The following DGKI variants were observed in gnomAD, a reference collection of about 807,000 sequenced individuals.
The protein encoded by DGKI is DAG kinase iota.
In DGKI, 55 loss-of-function variants were observed where a neutral mutation model predicts 147.5. The ratio of observed to expected loss-of-function variants is 0.37; its 90% CI spans 0.30 to 0.47. The LOEUF is 0.47. Among genes scored for constraint, DGKI ranks in the 20% least tolerant of loss-of-function variants. DGKI has a pLI of 1.00. For synonymous variants in DGKI, 469 were observed against 477.1 expected (o/e 0.98, Z 0.22); for missense variants, 1,007 against 1,323.8 (o/e 0.76, Z 3.71).
intron 19 of DGKI, among the ~76,000 whole-genome samples, chr7:137,567,101 C>T (rs189541837): frequency 6.6e-5 from 10 of 151,634 alleles, no homozygotes; most frequent in Admixed American, 6.6e-4. Context: ...CCCATCTCTA[C>T]TAAAAATACA....
In DGKI at chr7:137,770,554, G is replaced by A. The variant is rs1479250996; in HGVS notation, c.401+75908C>T. Among the ~76,000 whole-genome samples, 7 of 94,904 alleles carry A rather than the reference G, an allele frequency of 7.4e-5. 1 individual carries two copies. The highest frequency in any genetic ancestry group is 4.1e-4 in the African/African-American group (5 of 12,096). The allele number at this position is 94,904 out of a possible 152,430, so 62.3% of individuals were successfully genotyped here. On this transcript the variant is annotated intron_variant, in intron 1 of 32. Transcript: ENST00000614521. Reference sequence around the variant, plus strand: ...AGTGGGTTTTTTTTTTTTTTTTTGAGACGGAGTCTCGCTCTGTCGCCCAGG... The same window carrying A: ...AGTGGGTTTTTTTTTTTTTTTTTGAAACGGAGTCTCGCTCTGTCGCCCAGG...
In DGKI at chr7:137,412,193, C is replaced by G; in HGVS notation, c.2776G>C (p.Val926Leu). 1.2e-6 allele frequency: 2 copies of G among 1,613,914 alleles called. No homozygotes were observed. Among genetic ancestry groups the G allele is most frequent in the Non-Finnish European group, 8.5e-7 (1 of 1,179,838 alleles). The part of the protein sequence containing the change: ...SSEDHAILQA[V>L]IAGDLMKLIE... Reference sequence around the variant, plus strand: ...ACCTTCATAAGATCACCAGCTATTACTGCCTGCAAAATTGCTGTGAAAGAC... The same window carrying G: ...ACCTTCATAAGATCACCAGCTATTAGTGCCTGCAAAATTGCTGTGAAAGAC... The change falls in exon 29 of 33, where the codon GTA becomes CTA. Residue 926 changes from valine to leucine, a missense_variant. By Grantham distance (32) the Val-to-Leu change is conservative. This residue lies in a region of DGKI where 385 missense variants were observed against 445.2 expected (regional missense o/e 0.86). Transcript: ENST00000614521.
intron 21 of DGKI, among the ~76,000 whole-genome samples, chr7:137,497,054 T>C (rs1370576691): frequency 2.0e-5 from 3 of 151,042 alleles, no homozygotes; most frequent in Non-Finnish European, 4.4e-5. Context: ...TTGCAAATAA[T>C]GCATCTGACA....
intron 28 of DGKI, among the ~76,000 whole-genome samples, chr7:137,422,905 T>C (rs17169160): frequency 0.014 from 2,073 of 152,198 alleles, 61 homozygotes; most frequent in East Asian, 0.095. Context: ...CGCCCACCCT[T>C]GTAAAGCATT....
At chr7:137,407,764 A>G in intron 30 of DGKI, 111 bp downstream of exon 30, 4 of 1,404,204 alleles carry the variant, frequency 2.8e-6, no homozygotes, top group Non-Finnish European at 3.9e-6. Context: ...AAAGTTCGAG[A>G]GTATTTCTGC....
At chr7:137,425,880 C>T (rs990629659) in intron 28 of DGKI, among the ~76,000 whole-genome samples, 13 of 152,028 alleles carry the variant, frequency 8.6e-5, no homozygotes, top group Non-Finnish European at 1.5e-4. Context: ...ACAAAGACTC[C>T]AAGAAATATG....
intron 6 of DGKI, among the ~76,000 whole-genome samples, chr7:137,632,772 T>C (rs1821177657): frequency 6.6e-6 from 1 of 152,062 alleles, no homozygotes; most frequent in African/African-American, 2.4e-5. Context: ...GGCAGGAGAA[T>C]TGCTTGAACC....
At chr7:137,730,970 A>G (rs944844432) in intron 1 of DGKI, among the ~76,000 whole-genome samples, 3 of 152,032 alleles carry the variant, frequency 2.0e-5, no homozygotes, top group African/African-American at 7.2e-5. Context: ...TCATTTCACT[A>G]GGTTCAAAGG....
At chr7:137,498,143 G>A (rs1250978357) in intron 21 of DGKI, among the ~76,000 whole-genome samples, 1 of 151,294 alleles carries the variant, frequency 6.6e-6, no homozygotes, top group Non-Finnish European at 1.5e-5. Context: ...GAATAAAAGA[G>A]TACAAAACCC....
At chr7:137,440,011 AGCGG>A (rs766174629) in intron 28 of DGKI, among the ~76,000 whole-genome samples, 1 of 152,262 alleles carries the variant, frequency 6.6e-6, no homozygotes, top group Non-Finnish European at 1.5e-5. Flanking sequence ...TAAGTGAAGC[AGCGG>A]TAAGCGCAGC....
intron 1 of DGKI, among the ~76,000 whole-genome samples, chr7:137,779,777 TG>T (rs1796464472): frequency 6.6e-6 from 1 of 151,956 alleles, no homozygotes; most frequent in South Asian, 2.1e-4. Flanking sequence ...TATAATAGAG[TG>T]GGGAGTGGGA....
chr7:137,625,423 G>T (rs1047611386), intron 6 of DGKI, among the ~76,000 whole-genome samples: 3 of 151,838 alleles, frequency 2.0e-5, no homozygotes, highest in African/African-American at 7.3e-5. Context: ...TCGTGCTACT[G>T]CCCCCTAGCC....
At position 137,605,313 on chromosome 7, in the gene DGKI, T is replaced by TATAAAATAAAATAAAATAAA. The variant is rs564995858; in HGVS notation, c.1167+3633_1167+3652dup. Reference sequence around the variant, plus strand: ...ACAGAGCAAGACTCCGTCTCAAAAATATAAAATAAAATAAAATAAAATAAA... The same window carrying TATAAAATAAAATAAAATAAA: ...ACAGAGCAAGACTCCGTCTCAAAAATATAAAATAAAATAAAATAAAATAAAATAAAATAAAATAAAATAAA... On this transcript the variant is annotated intron_variant, in intron 10 of 32. Transcript: ENST00000614521. Among the ~76,000 whole-genome samples the TATAAAATAAAATAAAATAAA allele has an allele frequency of 6.8e-3, 821 of 121,234 alleles. 10 individuals are homozygous for TATAAAATAAAATAAAATAAA. The highest frequency in any genetic ancestry group is 0.016 in the African/African-American group (479 of 30,616). The allele number at this position is 121,234 out of a possible 152,430, so 79.5% of individuals were successfully genotyped here. A position where few individuals can be genotyped will look rare whatever the true frequency, so the allele number is the denominator to read the frequency against.
At chr7:137,694,916 C>T (rs1324051977) in intron 1 of DGKI, among the ~76,000 whole-genome samples, 1 of 152,136 alleles carries the variant, frequency 6.6e-6, no homozygotes, top group Non-Finnish European at 1.5e-5. Context: ...CTAAATCCTA[C>T]TTCATATTAT....
intron 1 of DGKI, among the ~76,000 whole-genome samples, chr7:137,768,905 T>G (rs1381867532): frequency 6.6e-6 from 1 of 152,170 alleles, no homozygotes; most frequent in Non-Finnish European, 1.5e-5. Context: ...AAGCATTTCT[T>G]TTAGAAGATG....
intron 1 of DGKI, among the ~76,000 whole-genome samples, chr7:137,696,201 G>C (rs890131355): frequency 1.3e-5 from 2 of 152,130 alleles, no homozygotes; most frequent in Non-Finnish European, 2.9e-5. Flanking sequence ...GCAGTTCAAA[G>C]GGGTTATTCA....
chr7:137,552,472 C>T lies in DGKI; in HGVS notation c.2044G>A (p.Glu682Lys). The T allele has an allele frequency of 6.2e-7, 1 of 1,614,164 alleles. No individual in the cohort carries two copies. Among genetic ancestry groups the T allele is most frequent in the Non-Finnish European group, 8.5e-7 (1 of 1,180,030 alleles). Reference protein sequence around the residue: ...YKSIPMQVDGEPCRLAPAMIR... With the variant: ...YKSIPMQVDGKPCRLAPAMIR... ...ATAGCTGGGGCCAACCTACAGGGCT[C>T]CCCATCCACTTGCATGGGGATGGAT... Residue 682 changes from glutamate (E) to lysine (K), a missense_variant, in exon 20 of 33, where the codon GAG becomes AAG. Around this residue, in one of 5 missense-constraint regions of DGKI, gnomAD observed 224 missense variants for 382.7 expected, o/e 0.59. Coordinates refer to ENST00000614521, the MANE Select transcript of DGKI (RefSeq NM_001321708.2).
At chr7:137,479,889 CTCTG>C (rs764863528) in intron 23 of DGKI, among the ~76,000 whole-genome samples, 16 of 152,186 alleles carry the variant, frequency 1.1e-4, no homozygotes, top group African/African-American at 1.9e-4. Flanking sequence ...ATGTATGTGT[CTCTG>C]TCTAACTACA....
In DGKI at chr7:137,475,331, C is replaced by G. The variant is rs865858377; in HGVS notation, c.2374-5712G>C. Reference sequence around the variant, plus strand: ...TGCTTATAGGGCTTGTCTTAATCAGCAATCCAGTGCCTCTGTTCACAACAT... The same window carrying G: ...TGCTTATAGGGCTTGTCTTAATCAGGAATCCAGTGCCTCTGTTCACAACAT... On this transcript the variant is annotated intron_variant, in intron 23 of 32. Coordinates refer to ENST00000614521, the MANE Select transcript of DGKI (RefSeq NM_001321708.2). Among the ~76,000 whole-genome samples, 5 of 152,288 alleles carry G rather than the reference C, an allele frequency of 3.3e-5. No homozygotes were observed. In the Middle Eastern group the frequency reaches 0.014, roughly 414 times the overall value.
Sources: allele counts gnomAD v4.1 joint callset (sites outside exome capture counted in the v4.1 genomes callset), GRCh38; gene constraint gnomAD v4.1.1; regional missense constraint gnomAD v4.1.1; transcripts MANE v1.5; gene names NCBI Gene and HGNC (gene_info 2026-07-23, HGNC 2026-07-21).